The following ZNF804B variants were observed in gnomAD, a reference collection of about 807,000 sequenced individuals.
The protein encoded by ZNF804B is zinc finger 804B.
In ZNF804B, 80 loss-of-function variants were observed where a neutral mutation model predicts 101.4. That is an observed-to-expected ratio of 0.79 (90% CI 0.66 to 0.95). The LOEUF (loss-of-function observed/expected upper bound fraction) is 0.95, where lower values mean the gene tolerates loss of function less well. Among genes scored for constraint, ZNF804B ranks in the 40% least tolerant of loss-of-function variants. ZNF804B has a pLI of 0.00. For synonymous variants in ZNF804B, 622 were observed against 558.8 expected, an observed-to-expected ratio of 1.11 and a Z score of -1.59; for missense variants, 1,673 against 1,561.9, an observed-to-expected ratio of 1.07 and a Z score of -1.20.
intron 1 of ZNF804B, among the ~76,000 whole-genome samples, chr7:88,962,519 C>T (rs1793400155): frequency 6.6e-6 from 1 of 150,382 alleles, no homozygotes. Flanking sequence ...GGCTGCGAAT[C>T]GATAATTAGA....
intron 1 of ZNF804B, among the ~76,000 whole-genome samples, chr7:88,939,242 C>T (rs1470744002): frequency 6.6e-6 from 1 of 151,876 alleles, no homozygotes; most frequent in Non-Finnish European, 1.5e-5. Context: ...TGTGCATCCT[C>T]CTTTACATTT....
intron 1 of ZNF804B, among the ~76,000 whole-genome samples, chr7:88,859,479 G>A (rs1791617529): frequency 6.6e-6 from 1 of 152,042 alleles, no homozygotes; most frequent in Non-Finnish European, 1.5e-5. Flanking sequence ...TGTGAGTTAT[G>A]TGAATCATGA....
At chr7:89,011,000 A>G (rs1187482836) in intron 1 of ZNF804B, among the ~76,000 whole-genome samples, 1 of 152,214 alleles carries the variant, frequency 6.6e-6, no homozygotes, top group East Asian at 1.9e-4. Flanking sequence ...GCTATGAAGA[A>G]ATACCAGAGA....
intron 1 of ZNF804B, among the ~76,000 whole-genome samples, chr7:88,784,672 A>T (rs1421049797): frequency 6.6e-6 from 1 of 151,834 alleles, no homozygotes; most frequent in South Asian, 2.1e-4. Context: ...TCCTCACCAG[A>T]CTCTCGCTCC....
At chr7:88,850,534 G>A (rs1791437092) in intron 1 of ZNF804B, among the ~76,000 whole-genome samples, 1 of 152,104 alleles carries the variant, frequency 6.6e-6, no homozygotes, top group Non-Finnish European at 1.5e-5. Flanking sequence ...CCATCAATCA[G>A]AGTGAAAAAT....
At chr7:88,913,804 G>A (rs192352395) in intron 1 of ZNF804B, among the ~76,000 whole-genome samples, 1 of 152,304 alleles carries the variant, frequency 6.6e-6, no homozygotes, top group East Asian at 1.9e-4. Context: ...TGTCAAAACG[G>A]TAATTATTTC....
intron 1 of ZNF804B, among the ~76,000 whole-genome samples, chr7:89,072,021 C>T (rs1157378199): frequency 6.6e-6 from 1 of 152,122 alleles, no homozygotes; most frequent in Non-Finnish European, 1.5e-5. Flanking sequence ...CTAACCTAAG[C>T]TAGTCTGATA....
At chr7:88,798,457 A>G (rs953979011) in intron 1 of ZNF804B, among the ~76,000 whole-genome samples, 3 of 152,118 alleles carry the variant, frequency 2.0e-5, no homozygotes, top group Non-Finnish European at 4.4e-5. Flanking sequence ...AGGCAAGTAG[A>G]GACAATGTTG....
chr7:88,823,710 T>C (rs1304418630), intron 1 of ZNF804B, among the ~76,000 whole-genome samples: 1 of 152,048 alleles, frequency 6.6e-6, no homozygotes, highest in Non-Finnish European at 1.5e-5. Flanking sequence ...AAATCACTAG[T>C]TGGACAAGGA....
chr7:89,145,125 TC>T (rs113717992), intron 1 of ZNF804B, among the ~76,000 whole-genome samples: 21 of 150,994 alleles, frequency 1.4e-4, no homozygotes, highest in South Asian at 4.2e-4. Context: ...TTAATTTAAT[TC>T]AAAAAAACGA....
At chr7:88,868,255 G>A (rs995114302) in intron 1 of ZNF804B, among the ~76,000 whole-genome samples, 7 of 152,038 alleles carry the variant, frequency 4.6e-5, no homozygotes, top group Non-Finnish European at 7.4e-5. Context: ...TTATTTGGAT[G>A]TTGTAACTGG....
intron 1 of ZNF804B, among the ~76,000 whole-genome samples, chr7:89,186,090 A>G (rs1788371783): frequency 6.6e-6 from 1 of 152,096 alleles, no homozygotes; most frequent in Non-Finnish European, 1.5e-5. Flanking sequence ...AAAAATATGA[A>G]AAATTAACAA....
intron 1 of ZNF804B, among the ~76,000 whole-genome samples, chr7:89,067,141 A>G (rs1789466389): frequency 1.3e-5 from 2 of 152,170 alleles, no homozygotes; most frequent in Non-Finnish European, 2.9e-5. Context: ...CTGTCTACCA[A>G]CCTACCTACC....
chr7:88,888,756 C>CTGTTTTT (rs1173449605), intron 1 of ZNF804B, among the ~76,000 whole-genome samples: 4 of 152,006 alleles, frequency 2.6e-5, no homozygotes, highest in Non-Finnish European at 4.4e-5. Flanking sequence ...ATCCCTGACC[C>CTGTTTTT]TGTTTTTTGT....
intron 1 of ZNF804B, among the ~76,000 whole-genome samples, chr7:89,031,848 G>T (rs1788840932): frequency 1.3e-5 from 2 of 152,042 alleles, no homozygotes; most frequent in East Asian, 3.9e-4. Context: ...TTAGGTAATA[G>T]GCAACCTTTT....
At chr7:89,203,499 G>T (rs1382676887) in intron 1 of ZNF804B, among the ~76,000 whole-genome samples, 4 of 151,632 alleles carry the variant, frequency 2.6e-5, no homozygotes, top group Non-Finnish European at 5.9e-5. Context: ...TCTCACTTTG[G>T]CACATTTTCT....
intron 1 of ZNF804B, among the ~76,000 whole-genome samples, chr7:89,174,337 G>C (rs939838916): frequency 2.0e-5 from 3 of 152,032 alleles, no homozygotes; most frequent in Admixed American, 6.6e-5. Context: ...AAATGAGTGA[G>C]AGCATGCAAA....
intron 1 of ZNF804B, among the ~76,000 whole-genome samples, chr7:89,105,134 G>A (rs1790116422): frequency 6.6e-6 from 1 of 152,008 alleles, no homozygotes; most frequent in Admixed American, 6.6e-5. Context: ...AGGTCTCAGA[G>A]GTAGTTTCTG....
chr7:89,146,489 T>C (rs868291860), intron 1 of ZNF804B, among the ~76,000 whole-genome samples: 4 of 152,080 alleles, frequency 2.6e-5, no homozygotes, highest in South Asian at 2.1e-4. Flanking sequence ...TGTAGACTTA[T>C]GGAAATAAAA....
Sources: allele counts gnomAD v4.1 joint callset (sites outside exome capture counted in the v4.1 genomes callset), GRCh38; gene constraint gnomAD v4.1.1; transcripts MANE v1.5; gene names NCBI Gene and HGNC (gene_info 2026-07-23, HGNC 2026-07-21).